The following NFAT5 variants were observed in gnomAD, a reference collection of about 807,000 sequenced individuals.
NFAT5 encodes nuclear factor of activated T-cells 5.
In NFAT5, 31 loss-of-function variants were observed where a neutral mutation model predicts 166.5. The ratio of observed to expected loss-of-function variants is 0.19; its 90% CI spans 0.14 to 0.25. The LOEUF (loss-of-function observed/expected upper bound fraction) is 0.25, where lower values mean the gene tolerates loss of function less well. Among genes scored for constraint, NFAT5 ranks in the 10% least tolerant of loss-of-function variants. The pLI, the probability that NFAT5 is intolerant of heterozygous loss-of-function variation, is 1.00. For synonymous variants in NFAT5, 612 were observed against 639.7 expected (o/e 0.96, Z 0.65); for missense variants, 1,449 against 1,821.8 (o/e 0.80, Z 3.72).
chr16:69,685,011 CCTGTATG>C, intron 11 of NFAT5, 41 bp downstream of exon 11: 1 of 1,405,920 alleles, frequency 7.1e-7, no homozygotes, highest in South Asian at 1.2e-5. Flanking sequence ...ATTGGGTGCT[CCTGTATG>C]TTTTCTCTAG....
At chr16:69,653,820 C>T (rs535921913) in intron 5 of NFAT5, among the ~76,000 whole-genome samples, 1 of 152,036 alleles carries the variant, frequency 6.6e-6, no homozygotes, top group East Asian at 1.9e-4. Context: ...GATCCTCCCG[C>T]CTTGGAGGAA....
chr16:69,574,034 G>C (rs1377637589), intron 2 of NFAT5, among the ~76,000 whole-genome samples: 1 of 152,056 alleles, frequency 6.6e-6, no homozygotes, highest in Non-Finnish European at 1.5e-5. Context: ...ACCACACCTG[G>C]CTAATACTGT....
intron 10 of NFAT5, among the ~76,000 whole-genome samples, chr16:69,684,213 C>G (rs2037188466): frequency 7.1e-6 from 1 of 141,046 alleles, no homozygotes; most frequent in South Asian, 2.3e-4. Context: ...GAGCCAGGAT[C>G]ATACCACTGC....
chr16:69,667,224 A>T (rs1022321133), intron 7 of NFAT5, among the ~76,000 whole-genome samples: 7 of 150,992 alleles, frequency 4.6e-5, no homozygotes, highest in African/African-American at 1.7e-4. Context: ...CTAATGCTAG[A>T]TGACGAGTTA....
At chr16:69,602,820 A>G (rs2033204984) in intron 2 of NFAT5, among the ~76,000 whole-genome samples, 1 of 149,440 alleles carries the variant, frequency 6.7e-6, no homozygotes, top group African/African-American at 2.5e-5. Flanking sequence ...CACATTGCCC[A>G]GGTTAGTCTC....
At chr16:69,673,302 T>C (rs1369323716) in intron 9 of NFAT5, among the ~76,000 whole-genome samples, 1 of 151,984 alleles carries the variant, frequency 6.6e-6, no homozygotes, top group Non-Finnish European at 1.5e-5. Context: ...TTTTATTTTA[T>C]TTTTTTTCTA....
chr16:69,640,572 T>C (rs1277014032), intron 3 of NFAT5, among the ~76,000 whole-genome samples: 1 of 152,242 alleles, frequency 6.6e-6, no homozygotes, highest in African/African-American at 2.4e-5. Flanking sequence ...AAATATGTCC[T>C]TGTATCTGGT....
chr16:69,606,745 T>C (rs2033433073), intron 2 of NFAT5, among the ~76,000 whole-genome samples: 1 of 152,122 alleles, frequency 6.6e-6, no homozygotes, highest in Non-Finnish European at 1.5e-5. Context: ...TTCCAGTTAC[T>C]CAGGAGGCTG....
intron 4 of NFAT5, among the ~76,000 whole-genome samples, chr16:69,652,159 A>C (rs2035697038): frequency 6.6e-6 from 1 of 152,030 alleles, no homozygotes; most frequent in South Asian, 2.1e-4. Context: ...AGCATAACTA[A>C]AAAAAATAAG....
At chr16:69,660,831 A>G (rs1419579684) in intron 7 of NFAT5, among the ~76,000 whole-genome samples, 2 of 149,532 alleles carry the variant, frequency 1.3e-5, no homozygotes, top group Admixed American at 6.7e-5. Context: ...CTTTTTTGAG[A>G]TGGAGTTTCG....
intron 14 of NFAT5, 51 bp downstream of exon 14, chr16:69,695,430 C>T: frequency 7.6e-7 from 1 of 1,318,718 alleles, no homozygotes; most frequent in East Asian, 2.3e-5. Flanking sequence ...TTTTATTCTT[C>T]TTAACAGATT....
chr16:69,662,453 T>TC, intron 7 of NFAT5, among the ~76,000 whole-genome samples: 1 of 77,424 alleles, frequency 1.3e-5, no homozygotes, highest in African/African-American at 6.1e-5. Context: ...CCTCTTTCTT[T>TC]TTTTTTTTTT....
intron 7 of NFAT5, among the ~76,000 whole-genome samples, chr16:69,666,298 A>G (rs62049973): frequency 0.1 from 15,729 of 151,710 alleles, 996 homozygotes; most frequent in Non-Finnish European, 0.14. Flanking sequence ...AGCAATGGCA[A>G]CCAAAGCCAA....
chr16:69,569,697 GT>G (rs1555515832), intron 2 of NFAT5, among the ~76,000 whole-genome samples: 2 of 152,074 alleles, frequency 1.3e-5, no homozygotes, highest in Non-Finnish European at 2.9e-5. Flanking sequence ...CTAGCATAGC[GT>G]CTAGCTTAAT....
intron 2 of NFAT5, among the ~76,000 whole-genome samples, chr16:69,599,301 G>T (rs1425405987): frequency 1.3e-5 from 2 of 152,208 alleles, no homozygotes; most frequent in Non-Finnish European, 2.9e-5. Context: ...AGTTGGCCAG[G>T]CTCAGTGGCT....
chr16:69,698,711 T>C lies in NFAT5; in HGVS notation c.*2360T>C, dbSNP rs965442965. On this transcript the variant is annotated 3_prime_UTR_variant, in exon 15 of 15. Transcript: ENST00000349945. ...GGCGTCAAATGGTGTTTCACAAGAA[T>C]GAGCCATTCAGTCTTTGCTCACTAT... 2 of 152,658 alleles carry C rather than the reference T, an allele frequency of 1.3e-5. No individual in the cohort carries two copies. Among genetic ancestry groups the C allele is most frequent in the Non-Finnish European group, 2.9e-5 (2 of 68,038 alleles). The allele number at this position is 152,658 out of a possible 1,614,324, so 9.5% of individuals were successfully genotyped here.
rs1383274239 is a variant in NFAT5, at chr16:69,698,825, C to G, written c.*2474C>G. ...TTTATTTATAAAGACACTAAGAAAA[C>G]CCATGTTTGTAATTTTAATAACATT... On this transcript the variant is annotated 3_prime_UTR_variant, in exon 15 of 15. Transcript: ENST00000349945. The G allele has an allele frequency of 6.6e-6, 1 of 152,482 alleles. No homozygotes were observed. The highest frequency in any genetic ancestry group is 2.4e-5 in the African/African-American group (1 of 41,388). 9.4% of individuals were successfully genotyped at this position (152,482 alleles called of 1,614,324 possible).
chr16:69,684,575 G>T (rs1484716193), intron 10 of NFAT5, among the ~76,000 whole-genome samples: 2 of 151,424 alleles, frequency 1.3e-5, no homozygotes, highest in East Asian at 3.9e-4. Context: ...AAAAGATGGG[G>T]TTTCACCATG....
intron 3 of NFAT5, among the ~76,000 whole-genome samples, chr16:69,636,027 C>T (rs528535366): frequency 2.0e-5 from 3 of 152,118 alleles, no homozygotes; most frequent in Non-Finnish European, 2.9e-5. Flanking sequence ...AAAAAGCAAG[C>T]TGATTACTTC....
Sources: allele counts gnomAD v4.1 joint callset (sites outside exome capture counted in the v4.1 genomes callset), GRCh38; gene constraint gnomAD v4.1.1; transcripts MANE v1.5; gene names NCBI Gene and HGNC (gene_info 2026-07-23, HGNC 2026-07-21).